The following MGAT5 variants were observed in gnomAD, a reference collection of about 807,000 sequenced individuals.
MGAT5 encodes the protein alpha-1,6-mannosylglycoprotein 6-beta-N-acetylglucosaminyltransferase, also known as alpha-1,6-mannosylglycoprotein 6-beta-N-acetylglucosaminyltransferase A.
In MGAT5, 30 loss-of-function variants were observed where a neutral mutation model predicts 94.3. The ratio of observed to expected loss-of-function variants is 0.32; its 90% confidence interval spans 0.24 to 0.43. The LOEUF is 0.43. MGAT5 is among the 20% of genes least tolerant of loss of function. The probability of loss-of-function intolerance (pLI) is 1.00; values close to 1 mark genes in which losing one functional copy is unlikely to be tolerated. For missense variants in MGAT5, 691 were observed against 905.5 expected (o/e 0.76, Z 3.04); for synonymous variants, 310 against 322.9 (o/e 0.96, Z 0.43).
chr2:134,272,244 T>C (rs1039073054), intron 2 of MGAT5, among the ~76,000 whole-genome samples: 1 of 152,230 alleles, frequency 6.6e-6, no homozygotes, highest in Non-Finnish European at 1.5e-5. Flanking sequence ...CCGTATGTAT[T>C]GAGCTAGTGT....
chr2:134,304,173 C>G (rs1458573878), intron 2 of MGAT5, among the ~76,000 whole-genome samples: 1 of 152,150 alleles, frequency 6.6e-6, no homozygotes, highest in Non-Finnish European at 1.5e-5. Context: ...TCTGAATTAT[C>G]TGTTACCACA....
intron 13 of MGAT5, 94 bp downstream of exon 13, chr2:134,423,013 T>G: frequency 1.1e-6 from 1 of 873,160 alleles, no homozygotes; most frequent in Non-Finnish European, 1.9e-6. Flanking sequence ...CAAACAGATC[T>G]TTACCACATC....
intron 4 of MGAT5, among the ~76,000 whole-genome samples, chr2:134,334,599 A>T (rs1051417541): frequency 2.2e-5 from 3 of 137,024 alleles, no homozygotes; most frequent in African/African-American, 8.2e-5. Flanking sequence ...TCATGTTATA[A>T]ATATGCTTTA....
At chr2:134,439,724 TA>T (rs374099409) in intron 14 of MGAT5, among the ~76,000 whole-genome samples, 18 of 147,410 alleles carry the variant, frequency 1.2e-4, no homozygotes, top group African/African-American at 9.9e-5. Context: ...AGCACAAGGT[TA>T]AAAAAAAAAG....
intron 14 of MGAT5, among the ~76,000 whole-genome samples, chr2:134,436,729 G>C (rs1201256578): frequency 1.3e-5 from 2 of 152,140 alleles, no homozygotes; most frequent in Non-Finnish European, 1.5e-5. Flanking sequence ...CTTCCAAGAA[G>C]GGCTAACAGG....
intron 2 of MGAT5, among the ~76,000 whole-genome samples, chr2:134,284,552 CAT>C (rs1460598367): frequency 6.7e-6 from 1 of 149,694 alleles, no homozygotes; most frequent in East Asian, 2.0e-4. Context: ...GTGTGCTAAA[CAT>C]ATTAGATTTG....
intron 10 of MGAT5, among the ~76,000 whole-genome samples, chr2:134,375,896 G>A (rs1573955283): frequency 6.6e-6 from 1 of 152,192 alleles, no homozygotes; most frequent in Non-Finnish European, 1.5e-5. Context: ...TCTTCTTCCA[G>A]GCTGCTGGGG....
At position 134,279,879 on chromosome 2, in the gene MGAT5, T is replaced by C. The variant is rs529598876; in HGVS notation, c.406+9329T>C. Among the ~76,000 whole-genome samples, 5 of 152,320 alleles carry C rather than the reference T, an allele frequency of 3.3e-5. No homozygotes were observed. The South Asian group carries it at 1.0e-3, about 32-fold the overall frequency. On this transcript the variant is annotated intron_variant, in intron 2 of 15. Transcript: ENST00000281923. ...GTCCCTTGTCTGTGCTGTTTCATCC[T>C]TTACCTGTTTTCACTGACAAGTATT...
At chr2:134,256,134 T>C (rs1302612562) in intron 1 of MGAT5, among the ~76,000 whole-genome samples, 1 of 152,224 alleles carries the variant, frequency 6.6e-6, no homozygotes, top group Non-Finnish European at 1.5e-5. Context: ...GGTACCTTTT[T>C]TGAACTGATG....
At chr2:134,429,830 C>T (rs1684789279) in intron 14 of MGAT5, among the ~76,000 whole-genome samples, 1 of 152,160 alleles carries the variant, frequency 6.6e-6, no homozygotes, top group African/African-American at 2.4e-5. Flanking sequence ...CCAGCATGTG[C>T]CAGACACATC....
At chr2:134,252,870 A>G (rs1682703096), upstream of MGAT5, among the ~76,000 whole-genome samples, 1 of 152,200 alleles carries the variant, frequency 6.6e-6, no homozygotes, top group Non-Finnish European at 1.5e-5. Context: ...CCCCTGGGCC[A>G]TGCCTAGATG....
chr2:134,319,256 CTGCCCCATTTTA>C, intron 4 of MGAT5, among the ~76,000 whole-genome samples: 1 of 152,286 alleles, frequency 6.6e-6, no homozygotes, highest in African/African-American at 2.4e-5. Flanking sequence ...TGTAAAGCAG[CTGCCCCATTTTA>C]TACCAACAGT....
intron 4 of MGAT5, 36 bp downstream of exon 4, chr2:134,318,775 G>A (rs747994960): frequency 1.4e-6 from 2 of 1,404,628 alleles, no homozygotes; most frequent in African/African-American, 1.4e-5. Flanking sequence ...GGGTAGATGT[G>A]ACTGGTTGGA....
chr2:134,217,817 A>C (rs1365818300), intron 1 of MGAT5, among the ~76,000 whole-genome samples: 1 of 152,228 alleles, frequency 6.6e-6, no homozygotes, highest in South Asian at 2.1e-4. Context: ...CCCTGAGGGC[A>C]GAAGACCATG....
chr2:134,236,863 T>G (rs548136977), intron 1 of MGAT5, among the ~76,000 whole-genome samples: 1 of 152,276 alleles, frequency 6.6e-6, no homozygotes, highest in Non-Finnish European at 1.5e-5. Flanking sequence ...TTAGCATCAT[T>G]GGGAGCACCC....
chr2:134,132,436 C>A (rs933412204), intron 1 of MGAT5, among the ~76,000 whole-genome samples: 2 of 152,186 alleles, frequency 1.3e-5, no homozygotes, highest in Admixed American at 1.3e-4. Context: ...AGTACTTAAC[C>A]TTTATCGTGG....
chr2:134,226,970 T>G (rs1348476558), intron 1 of MGAT5, among the ~76,000 whole-genome samples: 1 of 36,348 alleles, frequency 2.8e-5, no homozygotes, highest in South Asian at 5.8e-4. Context: ...ATAGTCCTAT[T>G]TTTTTTTTTT....
chr2:134,450,778 G>C lies in MGAT5; in HGVS notation c.*1931G>C, dbSNP rs944448650. 1 of 136,680 alleles carries C rather than the reference G, an allele frequency of 7.3e-6. No homozygotes were observed. Among genetic ancestry groups the C allele is most frequent in the South Asian group, 2.7e-4 (1 of 3,722 alleles). 8.5% of individuals were successfully genotyped at this position (136,680 alleles called of 1,614,324 possible). ...GCAGAAGTCCAAAGGAAACCTTGGTGAGTGAGTGTGTGTGTGTGTGTGTGT... is the reference window on the plus strand; with the variant it reads ...GCAGAAGTCCAAAGGAAACCTTGGTCAGTGAGTGTGTGTGTGTGTGTGTGT... On this transcript the variant is annotated 3_prime_UTR_variant, in exon 16 of 16. Coordinates refer to ENST00000281923, the MANE Select transcript of MGAT5 (RefSeq NM_002410.5).
chr2:134,386,484 G>A (rs1003990447), intron 10 of MGAT5, among the ~76,000 whole-genome samples: 1 of 152,184 alleles, frequency 6.6e-6, no homozygotes, highest in African/African-American at 2.4e-5. Flanking sequence ...CACTGCTTTA[G>A]TGGTCTGTTA....
Sources: allele counts gnomAD v4.1 joint callset (sites outside exome capture counted in the v4.1 genomes callset), GRCh38; gene constraint gnomAD v4.1.1; transcripts MANE v1.5; gene names NCBI Gene and HGNC (gene_info 2026-07-23, HGNC 2026-07-21).